OXSR1: variants seen among roughly 807,000 people sequenced by gnomAD.
The protein encoded by OXSR1 is oxidative stress responsive kinase 1, also known as serine/threonine-protein kinase OSR1.
A neutral mutation model predicts 79.8 loss-of-function variants in OXSR1; 24 were observed. That is an observed-to-expected ratio of 0.30 (90% CI 0.22 to 0.42). The LOEUF (loss-of-function observed/expected upper bound fraction) is 0.42. OXSR1 is among the 10% of genes least tolerant of loss of function. The pLI, the probability that OXSR1 is intolerant of heterozygous loss-of-function variation, is 1.00. For missense variants in OXSR1, 430 were observed against 618.4 expected (o/e 0.70, Z 3.23); for synonymous variants, 226 against 209.2 (o/e 1.08, Z -0.69).
intron 4 of OXSR1, among the ~76,000 whole-genome samples, chr3:38,200,607 C>T (rs553004175): frequency 1.3e-4 from 20 of 152,330 alleles, no homozygotes; most frequent in African/African-American, 4.6e-4. Flanking sequence ...GGGACCAGAA[C>T]TAGTCCCTGG....
intron 1 of OXSR1, among the ~76,000 whole-genome samples, chr3:38,174,643 G>A (rs1025789495): frequency 7.9e-5 from 12 of 152,156 alleles, no homozygotes; most frequent in African/African-American, 2.7e-4. Flanking sequence ...AGGGCACAAG[G>A]GTGGAAGGAG....
intron 8 of OXSR1, among the ~76,000 whole-genome samples, chr3:38,227,090 T>C (rs1386277630): frequency 1.3e-5 from 2 of 152,196 alleles, no homozygotes; most frequent in African/African-American, 4.8e-5. Flanking sequence ...GAAAATCTAT[T>C]CCAGTTTGTA....
At chr3:38,170,073 C>G (rs564866199) in intron 1 of OXSR1, among the ~76,000 whole-genome samples, 1 of 151,836 alleles carries the variant, frequency 6.6e-6, no homozygotes, top group Non-Finnish European at 1.5e-5. Flanking sequence ...GAGTTGGAGT[C>G]TTACTCTGTC....
At chr3:38,194,754 A>T (rs1231208854) in intron 3 of OXSR1, among the ~76,000 whole-genome samples, 1 of 152,140 alleles carries the variant, frequency 6.6e-6, no homozygotes, top group Non-Finnish European at 1.5e-5. Flanking sequence ...AGGCTTACTG[A>T]TAAGCAAAGA....
intron 4 of OXSR1, among the ~76,000 whole-genome samples, chr3:38,201,620 G>C (rs886380242): frequency 1.3e-5 from 2 of 152,166 alleles, no homozygotes; most frequent in African/African-American, 4.8e-5. Flanking sequence ...TGAGGCAGGA[G>C]AATGGTGTGA....
In OXSR1 at chr3:38,196,856, G is replaced by T. The variant is rs535401045; in HGVS notation, c.293-1866G>T. ...ACATGTAATGTAATAGGGCTTAATT[G>T]TTAAGTGAATAAGTTGTGTTAATTT... On this transcript the variant is annotated intron_variant, in intron 3 of 17. Transcript: ENST00000311806. Among the ~76,000 whole-genome samples, 20 of 152,310 alleles carry T rather than the reference G, an allele frequency of 1.3e-4. 1 individual carries two copies. The Middle Eastern group carries it at 0.01, about 78-fold the overall frequency.
chr3:38,231,218 C>A (rs1416844021), intron 10 of OXSR1, among the ~76,000 whole-genome samples: 1 of 152,060 alleles, frequency 6.6e-6, no homozygotes, highest in Non-Finnish European at 1.5e-5. Flanking sequence ...ATATTAAATA[C>A]TTGGAAATGA....
intron 2 of OXSR1, among the ~76,000 whole-genome samples, chr3:38,186,492 C>T (rs1701888970): frequency 6.6e-6 from 1 of 152,198 alleles, no homozygotes; most frequent in African/African-American, 2.4e-5. Context: ...CAGCCCTAGG[C>T]AATCACTAAT....
chr3:38,185,903 C>T (rs576273548), intron 2 of OXSR1, among the ~76,000 whole-genome samples: 1 of 136,366 alleles, frequency 7.3e-6, no homozygotes, highest in East Asian at 2.4e-4. Context: ...CACGTTCATG[C>T]CACTGCATGC....
At chr3:38,220,044 T>A (rs567586540) in intron 5 of OXSR1, among the ~76,000 whole-genome samples, 1 of 152,226 alleles carries the variant, frequency 6.6e-6, no homozygotes, top group Admixed American at 6.5e-5. Flanking sequence ...TGGCCTCAAG[T>A]GGTCCTTCTG....
chr3:38,175,416 T>C (rs941979528), intron 1 of OXSR1, among the ~76,000 whole-genome samples: 1 of 152,098 alleles, frequency 6.6e-6, no homozygotes, highest in African/African-American at 2.4e-5. Flanking sequence ...CCTCCCACCT[T>C]AGCCTCCCAA....
At chr3:38,225,535 CAGGT>C (rs768639226) in intron 8 of OXSR1, among the ~76,000 whole-genome samples, 4 of 151,828 alleles carry the variant, frequency 2.6e-5, no homozygotes, top group Non-Finnish European at 5.9e-5. Context: ...GTAAGAAAAA[CAGGT>C]AGCAAAATTT....
At chr3:38,222,256 A>G (rs558955712) in intron 6 of OXSR1, among the ~76,000 whole-genome samples, 2 of 152,312 alleles carry the variant, frequency 1.3e-5, no homozygotes, top group South Asian at 2.1e-4. Flanking sequence ...GGAGGAGGAT[A>G]ACTGCATGCT....
At chr3:38,173,406 A>G (rs1189091540) in intron 1 of OXSR1, among the ~76,000 whole-genome samples, 2 of 152,226 alleles carry the variant, frequency 1.3e-5, no homozygotes, top group Non-Finnish European at 2.9e-5. Context: ...GTTGAAACTC[A>G]GGTAGTTCTT....
At chr3:38,168,177 C>A (rs1371679536) in intron 1 of OXSR1, among the ~76,000 whole-genome samples, 1 of 152,152 alleles carries the variant, frequency 6.6e-6, no homozygotes. Flanking sequence ...GACCATCTTT[C>A]ATAGATTTAA....
intron 11 of OXSR1, among the ~76,000 whole-genome samples, chr3:38,241,049 C>T (rs184439267): frequency 1.3e-3 from 192 of 152,168 alleles, no homozygotes; most frequent in African/African-American, 3.9e-3. Context: ...AGGATATTTT[C>T]AAGGTCTTAA....
intron 14 of OXSR1, among the ~76,000 whole-genome samples, chr3:38,249,192 T>C (rs916604191): frequency 6.6e-6 from 1 of 152,196 alleles, no homozygotes; most frequent in Non-Finnish European, 1.5e-5. Context: ...TAAAATAGAT[T>C]TGAGTCCTAA....
Position 38,165,696 on chromosome 3 carries a change from C to A in OXSR1, c.-181C>A. ...GGCGAGGTCCGCCGGAGCTCTGAGC[C>A]CCCGCTGCTCTGCCGCGCGGTGACC... is the stretch of plus-strand genomic sequence containing the variant. On this transcript the variant is annotated 5_prime_UTR_variant, in exon 1 of 18. Transcript: ENST00000311806. 1.8e-6 allele frequency: 1 copy of A among 555,550 alleles called. No homozygotes were observed. The highest frequency in any genetic ancestry group is 3.1e-6 in the Non-Finnish European group (1 of 318,030). 34.4% of individuals were successfully genotyped at this position (555,550 alleles called of 1,614,324 possible). A position where few individuals can be genotyped will look rare whatever the true frequency, so the allele number is the denominator to read the frequency against.
chr3:38,247,753 T>G (rs758954265), intron 14 of OXSR1, 21 bp downstream of exon 14: 7 of 1,446,706 alleles, frequency 4.8e-6, no homozygotes, highest in African/African-American at 1.4e-5. Flanking sequence ...ATTTTTTGTT[T>G]TGTTTTCTTT....
Sources: gnomAD v4.1 joint callset for allele counts (sites outside exome capture counted in the v4.1 genomes callset) on GRCh38, gnomAD v4.1.1 for gene constraint, MANE v1.5 for transcripts, NCBI Gene and HGNC (gene_info 2026-07-23, HGNC 2026-07-21) for gene names.